The following RECK variants were observed in gnomAD, a reference collection of about 807,000 sequenced individuals.
RECK encodes the protein reversion inducing cysteine rich protein with kazal motifs.
Under a neutral mutation model 115.1 loss-of-function variants are expected in RECK, and 69 were observed. The observed-to-expected ratio is 0.60, with a 90% CI of 0.49 to 0.73. The LOEUF is 0.73. RECK is among the 30% of genes least tolerant of loss of function. The pLI is 0.00. For synonymous variants in RECK, 414 were observed against 419.7 expected, an observed-to-expected ratio of 0.99 and a Z score of 0.17; for missense variants, 1,047 against 1,203.7, an observed-to-expected ratio of 0.87 and a Z score of 1.93.
chr9:36,082,152 T>C (rs147241333), intron 7 of RECK, among the ~76,000 whole-genome samples: 4 of 113,650 alleles, frequency 3.5e-5, no homozygotes, highest in East Asian at 3.3e-4. Context: ...CCTCCCTGCT[T>C]TCTCTCTCTC....
At chr9:36,072,458 A>C (rs1372014366) in intron 6 of RECK, among the ~76,000 whole-genome samples, 1 of 152,182 alleles carries the variant, frequency 6.6e-6, no homozygotes, top group Non-Finnish European at 1.5e-5. Context: ...ATCACAGCCT[A>C]GGCTATGGAC....
At chr9:36,048,385 T>G (rs77020402) in intron 1 of RECK, among the ~76,000 whole-genome samples, 3,877 of 152,036 alleles carry the variant, frequency 0.026, 173 homozygotes, top group African/African-American at 0.087. Flanking sequence ...TGGCAACCTT[T>G]TTCCTTTTCT....
intron 13 of RECK, among the ~76,000 whole-genome samples, chr9:36,105,947 C>T (rs949999434): frequency 1.3e-5 from 2 of 152,176 alleles, no homozygotes; most frequent in African/African-American, 2.4e-5. Flanking sequence ...GGCGCAGTGG[C>T]TCACGCCTGT....
At chr9:36,068,109 G>A (rs1334878037) in intron 6 of RECK, among the ~76,000 whole-genome samples, 1 of 152,100 alleles carries the variant, frequency 6.6e-6, no homozygotes, top group African/African-American at 2.4e-5. Context: ...TGTAAAAGGA[G>A]ACCAATATAT....
chr9:36,067,750 A>G (rs1822065119), intron 6 of RECK, among the ~76,000 whole-genome samples: 1 of 152,198 alleles, frequency 6.6e-6, no homozygotes, highest in Non-Finnish European at 1.5e-5. Context: ...TCCAAATACT[A>G]AAGAATTATA....
intron 7 of RECK, among the ~76,000 whole-genome samples, chr9:36,082,188 C>CTCTCTCTCTCTCTCTCTCTCT (rs1401784584): frequency 1.1e-4 from 16 of 146,586 alleles, no homozygotes; most frequent in East Asian, 4.0e-4. Flanking sequence ...CTCTCTCTCT[C>CTCTCTCTCTCTCTCTCTCTCT]CTTTTTTCTT....
chr9:36,069,953 C>G (rs991139846), intron 6 of RECK, among the ~76,000 whole-genome samples: 3 of 152,118 alleles, frequency 2.0e-5, no homozygotes, highest in Non-Finnish European at 2.9e-5. Context: ...CTAAATGGTT[C>G]CGAAAGAAAG....
intron 20 of RECK, 95 bp downstream of exon 20, chr9:36,121,783 G>C (rs2274522): frequency 3.0e-6 from 4 of 1,322,736 alleles, no homozygotes; most frequent in Non-Finnish European, 4.2e-6. Flanking sequence ...GGAAGGATCC[G>C]TGGGTGAGGG....
chr9:36,112,326 A>T lies in RECK; in HGVS notation c.1910A>T (p.Asp637Val). The T allele has an allele frequency of 6.2e-7, 1 of 1,613,354 alleles. No individual in the cohort carries two copies. Among genetic ancestry groups the T allele is most frequent in the Non-Finnish European group, 8.5e-7 (1 of 1,179,954 alleles). Reference sequence around the variant, plus strand: ...TCAGGTCTGCCCTGTAACTGTGCAGATCAGTTTGTCCCTGTATGTGGGCAG... The same window carrying T: ...TCAGGTCTGCCCTGTAACTGTGCAGTTCAGTTTGTCCCTGTATGTGGGCAG... ...TFTGLPCNCA[D>V]QFVPVCGQNG... The change falls in exon 16 of 21, where the codon GAT becomes GTT. Residue 637 changes from aspartate to valine, a missense_variant. By Grantham distance (152) the Asp-to-Val change is radical. Coordinates refer to ENST00000377966, the MANE Select transcript of RECK (RefSeq NM_021111.3).
At position 36,123,977 on chromosome 9, in the gene RECK, G is replaced by A. The variant is rs1223337619; in HGVS notation, c.*932G>A. The A allele has an allele frequency of 6.6e-6, 1 of 152,644 alleles. No individual in the cohort carries two copies. Among genetic ancestry groups the A allele is most frequent in the Non-Finnish European group, 1.5e-5 (1 of 68,040 alleles). 9.5% of individuals were successfully genotyped at this position (152,644 alleles called of 1,614,324 possible). On this transcript the variant is annotated 3_prime_UTR_variant, in exon 21 of 21. Coordinates refer to ENST00000377966, the MANE Select transcript of RECK (RefSeq NM_021111.3). ...CATATTTGTAAAATGACAATCATGTGTGTTAACCCAGTGCTTTCCATTCGT... is the reference window on the plus strand; with the variant it reads ...CATATTTGTAAAATGACAATCATGTATGTTAACCCAGTGCTTTCCATTCGT...
At chr9:36,043,179 C>T (rs1419332894) in intron 1 of RECK, among the ~76,000 whole-genome samples, 2 of 145,458 alleles carry the variant, frequency 1.4e-5, no homozygotes, top group Non-Finnish European at 3.0e-5. Flanking sequence ...CGCCTGCCAC[C>T]ACGCCTGGCT....
At chr9:36,051,299 G>T (rs1323528956) in intron 1 of RECK, among the ~76,000 whole-genome samples, 2 of 152,126 alleles carry the variant, frequency 1.3e-5, no homozygotes, top group South Asian at 2.1e-4. Context: ...TGTAAAGAAG[G>T]TCAAGTCTTT....
chr9:36,082,393 A>G (rs1169859568), intron 7 of RECK, among the ~76,000 whole-genome samples: 1 of 152,086 alleles, frequency 6.6e-6, no homozygotes, highest in Non-Finnish European at 1.5e-5. Context: ...CATTTTGCCC[A>G]GGCTGGTCTC....
intron 1 of RECK, among the ~76,000 whole-genome samples, chr9:36,042,493 A>G (rs7033666): frequency 0.025 from 3,768 of 148,768 alleles, 168 homozygotes; most frequent in African/African-American, 0.089. Context: ...TCTTTATCCA[A>G]TGGGCATTTG....
intron 1 of RECK, 122 bp downstream of exon 1, chr9:36,037,220 C>T (rs1391708976): frequency 3.6e-6 from 2 of 563,328 alleles, no homozygotes; most frequent in East Asian, 3.8e-5. Context: ...CGTCCGGCGA[C>T]CCCGGGACCC....
chr9:36,057,575 T>C (rs1821580963), intron 2 of RECK, among the ~76,000 whole-genome samples: 1 of 152,220 alleles, frequency 6.6e-6, no homozygotes, highest in Non-Finnish European at 1.5e-5. Context: ...CCCAGCACTT[T>C]GGGAGGCTGA....
intron 8 of RECK, chr9:36,086,246 A>C (rs1822955054): frequency 6.6e-6 from 1 of 152,254 alleles, no homozygotes; most frequent in South Asian, 2.1e-4. Flanking sequence ...TTAGCATAAG[A>C]TATATAAAAG....
intron 2 of RECK, among the ~76,000 whole-genome samples, chr9:36,054,753 A>G (rs1821454336): frequency 6.6e-6 from 1 of 152,178 alleles, no homozygotes; most frequent in African/African-American, 2.4e-5. Flanking sequence ...ACAAAAATGT[A>G]TTCAGTTTTT....
chr9:36,053,506 G>A lies in RECK; in HGVS notation c.159+1183G>A, dbSNP rs185153868. 3.7e-3 allele frequency among the ~76,000 whole-genome samples: 559 copies of A among 152,238 alleles called. 1 individual carries two copies. Among genetic ancestry groups the A allele is most frequent in the Non-Finnish European group, 3.7e-3 (249 of 68,010 alleles). On this transcript the variant is annotated intron_variant, in intron 2 of 20. Transcript: ENST00000377966. ...GATTCAGCTCATCTAAATGGCTACC[G>A]GAGAATTCAGTGACATGTCAAATCA...
Sources: gnomAD v4.1 joint callset for allele counts (sites outside exome capture counted in the v4.1 genomes callset) on GRCh38, gnomAD v4.1.1 for gene constraint, MANE v1.5 for transcripts, NCBI Gene and HGNC (gene_info 2026-07-23, HGNC 2026-07-21) for gene names.